TUBGCP2: variants seen among roughly 807,000 people sequenced by gnomAD.
The protein encoded by TUBGCP2 is tubulin gamma complex component 2.
Under a neutral mutation model 92.2 loss-of-function variants are expected in TUBGCP2, and 55 were observed. That is an observed-to-expected ratio of 0.60 (90% CI 0.48 to 0.75). The LOEUF (loss-of-function observed/expected upper bound fraction) is 0.75. Among genes scored for constraint, TUBGCP2 ranks in the 30% least tolerant of loss-of-function variants. The pLI is 0.00. For synonymous variants in TUBGCP2, 533 were observed against 505.2 expected (o/e 1.06, Z -0.74); for missense variants, 1,093 against 1,188.9 (o/e 0.92, Z 1.19).
chr10:133,279,741 C>A lies in TUBGCP2; in HGVS notation c.*25G>T. 6.5e-7 allele frequency: 1 copy of A among 1,543,684 alleles called. No individual in the cohort carries two copies. Among genetic ancestry groups the A allele is most frequent in the Non-Finnish European group, 8.7e-7 (1 of 1,143,128 alleles). ...GCACCAGTCCCTGCTGACCCCACAC[C>A]CTTCCTTCCTGTCACAGCCAGGGCT... On this transcript the variant is annotated 3_prime_UTR_variant, in exon 18 of 18. Transcript: ENST00000252936.
upstream of TUBGCP2, among the ~76,000 whole-genome samples, chr10:133,310,762 G>A (rs1847973362): frequency 6.6e-6 from 1 of 152,046 alleles, no homozygotes. Flanking sequence ...TGATTAACAT[G>A]TTCCTGCCTA....
At chr10:133,297,444 G>T in intron 5 of TUBGCP2, 1 of 451,822 alleles carries the variant, frequency 2.2e-6, no homozygotes, top group Non-Finnish European at 4.4e-6. Context: ...CATGAATTGT[G>T]ACAGATGAAC....
In TUBGCP2 at chr10:133,281,415, T is replaced by C. The variant is rs555265451; in HGVS notation, c.2431A>G (p.Thr811Ala). The C allele has an allele frequency of 1.7e-5, 28 of 1,613,256 alleles. No individual in the cohort carries two copies. In the African/African-American group the frequency reaches 2.1e-4, roughly 12 times the overall value. ...TCGAAGCCGGACACCAGCTGCACAG[T>C]GTCTGCGTGCTCAGCCAGGTGCTGG... ...ARKHLAEHAD[T>A]VQLVSGFEAT... The change falls in exon 17 of 18, where the codon ACT becomes GCT. Residue 811 changes from threonine (T) to alanine (A), a missense_variant. By Grantham distance (58) the Thr-to-Ala change is moderately conservative. Around this residue, in one of 3 missense-constraint regions of TUBGCP2, gnomAD observed 598 missense variants for 675.5 expected, o/e 0.89. Coordinates refer to ENST00000252936, the MANE Select transcript of TUBGCP2 (RefSeq NM_006659.4).
chr10:133,296,273 G>A (rs41283329), intron 5 of TUBGCP2, among the ~76,000 whole-genome samples: 1 of 152,146 alleles, frequency 6.6e-6, no homozygotes, highest in Non-Finnish European at 1.5e-5. Flanking sequence ...CCAAAAAGCC[G>A]GCTCCACTGC....
At chr10:133,288,383 C>T (rs927497728) in intron 10 of TUBGCP2, 74 bp from the exon 11 acceptor site, 2 of 1,529,234 alleles carry the variant, frequency 1.3e-6, no homozygotes, top group South Asian at 1.2e-5. Flanking sequence ...GGCGTGAGCA[C>T]GTGCCCACCC....
chr10:133,292,712 C>G (rs1241979409), intron 7 of TUBGCP2, 24 bp from the exon 8 acceptor site: 5 of 1,605,148 alleles, frequency 3.1e-6, no homozygotes, highest in Non-Finnish European at 4.3e-6. Context: ...GGAGGGCTCA[C>G]TGCTGAGAAG....
Position 133,293,071 on chromosome 10 carries a change from G to C in TUBGCP2, c.992C>G (p.Ala331Gly). 1 of 1,613,564 alleles carries C rather than the reference G, an allele frequency of 6.2e-7. No homozygotes were observed. Among genetic ancestry groups the C allele is most frequent in the Non-Finnish European group, 8.5e-7 (1 of 1,180,022 alleles). Residue 331 changes from alanine (A) to glycine (G), a missense_variant, in exon 7 of 18, where the codon GCC (alanine) becomes GGC (glycine). Around this residue, in one of 3 missense-constraint regions of TUBGCP2, gnomAD observed 490 missense variants for 488.5 expected, o/e 1.00. Transcript: ENST00000252936. ...GGCCAGGATGTCCATGGTGCGCATGGCTGGCTGGATGTAGAACCAGAGCTT... is the reference window on the plus strand; with the variant it reads ...GGCCAGGATGTCCATGGTGCGCATGCCTGGCTGGATGTAGAACCAGAGCTT... ...LQKLWFYIQPAMRTMDILASL... is the reference protein window; with the variant it reads ...LQKLWFYIQPGMRTMDILASL...
At chr10:133,309,100 C>G, upstream of TUBGCP2, 1 of 1,319,432 alleles carries the variant, frequency 7.6e-7, no homozygotes, top group Non-Finnish European at 9.7e-7. Flanking sequence ...CTTCGAGGTG[C>G]GTGAGCAAAA....
rs140903054 is a variant in TUBGCP2 at position 133,279,874 on chromosome 10, C to G, written c.2601G>C (p.Glu867Asp). ...SRLDFNGFYT[E>D]RLERLSAERS... ...TCTCTGCAGACAGGCGCTCCAGGCG[C>G]TCCGTGTAGAAACCATTGAAGTCAA... Residue 867 changes from glutamate (E) to aspartate (D), a missense_variant, in exon 18 of 18, where the codon GAG (glutamate) becomes GAC (aspartate). Glu to Asp is a conservative substitution (Grantham distance 45). This residue lies in a region of TUBGCP2 where 598 missense variants were observed against 675.5 expected (regional missense o/e 0.89). Transcript: ENST00000252936. The G allele has an allele frequency of 6.2e-7, 1 of 1,609,088 alleles. No individual in the cohort carries two copies. The highest frequency in any genetic ancestry group is 8.5e-7 in the Non-Finnish European group (1 of 1,178,348).
chr10:133,309,938 C>T (rs142693605), upstream of TUBGCP2: 463 of 1,613,466 alleles, frequency 2.9e-4, 2 homozygotes, highest in African/African-American at 5.5e-3. Flanking sequence ...TGGAGTGGCA[C>T]GATTCGCTCT....
upstream of TUBGCP2, chr10:133,312,168 T>C: frequency 6.3e-6 from 9 of 1,418,518 alleles, no homozygotes; most frequent in Non-Finnish European, 8.2e-6. Flanking sequence ...TAGCATCACC[T>C]GTGCCGTCTG....
chr10:133,302,898 C>T lies in TUBGCP2; in HGVS notation c.44G>A (p.Ser15Asn), dbSNP rs1213632190. The stretch of plus-strand genomic sequence containing the variant: ...ATCTCCTCCGTGGACACGCAGCAGG[C>T]TAAGCAGTTCATTGACGTCATGGTG... ...RIHHDVNELL[S>N]LLRVHGGDGA... Residue 15 changes from serine to asparagine, a missense_variant, in exon 2 of 18, where the codon AGC becomes AAC. Physicochemically the swap from Ser to Asn is conservative, Grantham distance 46 (BLOSUM62 1). Transcript: ENST00000252936. The T allele has an allele frequency of 6.2e-7, 1 of 1,614,040 alleles. No homozygotes were observed. Among genetic ancestry groups the T allele is most frequent in the Non-Finnish European group, 8.5e-7 (1 of 1,180,000 alleles).
At chr10:133,302,464 C>T (rs560511779) in intron 2 of TUBGCP2, 1 of 346,446 alleles carries the variant, frequency 2.9e-6, no homozygotes, top group African/African-American at 2.2e-5. Context: ...CTGCCCCCTG[C>T]ACCAGAGGTG....
At chr10:133,294,368 T>C (rs1390687490) in intron 5 of TUBGCP2, among the ~76,000 whole-genome samples, 1 of 152,172 alleles carries the variant, frequency 6.6e-6, no homozygotes, top group Non-Finnish European at 1.5e-5. Flanking sequence ...AAGCAGGATG[T>C]TGAAACTGTC....
chr10:133,295,428 C>A (rs529661314), intron 5 of TUBGCP2: 1 of 152,278 alleles, frequency 6.6e-6, no homozygotes, highest in African/African-American at 2.4e-5. Flanking sequence ...GCCTAGGCAA[C>A]GAAGTGAGAC....
At chr10:133,311,016 G>A (rs937827177), upstream of TUBGCP2, among the ~76,000 whole-genome samples, 1 of 152,182 alleles carries the variant, frequency 6.6e-6, no homozygotes, top group Non-Finnish European at 1.5e-5. Flanking sequence ...TGCCCAGTCT[G>A]GTCGTGAACT....
intron 4 of TUBGCP2, among the ~76,000 whole-genome samples, 176 bp from the exon 5 acceptor site, chr10:133,298,287 G>A (rs1005983641): frequency 7.2e-5 from 11 of 152,202 alleles, no homozygotes; most frequent in African/African-American, 2.2e-4. Flanking sequence ...CTGCCACAAC[G>A]TGAGGGGCTG....
rs2275717 is a variant in TUBGCP2 at position 133,288,831 on chromosome 10, C to T, written c.1541+9G>A. 574 of 1,600,530 alleles carry T rather than the reference C, an allele frequency of 3.6e-4. 2 individuals are homozygous for T. In the East Asian group the frequency reaches 9.9e-3, roughly 28 times the overall value. On this transcript the variant is annotated intron_variant, in intron 10 of 17. Transcript: ENST00000252936. ...TGAGTGCCCGCACAGGGACAGGGCA[C>T]GGAATCACCTGAGGTGAGCCACCAG...
rs545572259 is a variant in TUBGCP2, at chr10:133,284,722, C to T, written c.2024+363G>A. On this transcript the variant is annotated intron_variant, in intron 13 of 17. Coordinates refer to ENST00000252936, the MANE Select transcript of TUBGCP2 (RefSeq NM_006659.4). ...TTTTCAACACCCTAGAGGCACAGACCGGCTGCAAAGCACCTCTGGTCCCAG... is the reference window on the plus strand; with the variant it reads ...TTTTCAACACCCTAGAGGCACAGACTGGCTGCAAAGCACCTCTGGTCCCAG... Among the ~76,000 whole-genome samples the T allele has an allele frequency of 3.9e-5, 6 of 152,188 alleles. No individual in the cohort carries two copies. In the East Asian group the frequency reaches 5.8e-4, roughly 15 times the overall value.
Sources: allele counts gnomAD v4.1 joint callset (sites outside exome capture counted in the v4.1 genomes callset), GRCh38; gene constraint gnomAD v4.1.1; regional missense constraint gnomAD v4.1.1; transcripts MANE v1.5; gene names NCBI Gene and HGNC (gene_info 2026-07-23, HGNC 2026-07-21).